The following BRCA2 variants were observed in gnomAD, a reference collection of about 807,000 sequenced individuals.
The protein encoded by BRCA2 is breast cancer type 2 susceptibility protein.
Under a neutral mutation model 276.7 loss-of-function variants are expected in BRCA2, and 203 were observed. That is an observed-to-expected ratio of 0.73 (90% CI 0.65 to 0.82). BRCA2 has a LOEUF of 0.82. Among genes scored for constraint, BRCA2 ranks in the 40% least tolerant of loss-of-function variants. The pLI, the probability that BRCA2 is intolerant of heterozygous loss-of-function variation, is 0.00. For missense variants in BRCA2, 3,920 were observed against 3,915.0 expected (o/e 1.00, Z -0.03); for synonymous variants, 1,289 against 1,338.4 (o/e 0.96, Z 0.81).
chr13:32,336,350 A>G lies in BRCA2; in HGVS notation c.1995A>G (p.Thr665=), dbSNP rs750349385. Residue 665 remains threonine (T), a synonymous_variant, in exon 11 of 27, where the codon ACA becomes ACG. Transcript: ENST00000380152. Reference sequence around the variant, plus strand: ...TGTCCTTAACTAGCTCTTTTGGGACAATTCTGAGGAAATGTTCTAGAAATG... The same window carrying G: ...TGTCCTTAACTAGCTCTTTTGGGACGATTCTGAGGAAATGTTCTAGAAATG... ...PTLSLTSSFG[T]ILRKCSRNET... 1.9e-6 allele frequency: 3 copies of G among 1,607,888 alleles called. No individual in the cohort carries two copies. The highest frequency in any genetic ancestry group is 2.5e-6 in the Non-Finnish European group (3 of 1,177,276).
At chr13:32,379,154 T>G (rs912847982) in intron 21 of BRCA2, among the ~76,000 whole-genome samples, 163 bp from the exon 22 acceptor site, 4 of 152,224 alleles carry the variant, frequency 2.6e-5, no homozygotes, top group African/African-American at 7.2e-5. Flanking sequence ...ATTAATAGTT[T>G]GAGGCACCTG....
chr13:32,326,099 A>G lies in BRCA2; in HGVS notation c.426-2A>G, dbSNP rs398122779. ...TAAGGGATTTGCTTTGTTTTATTTT[A>G]GTCCTGTTGTTCTACAATGTACACA... On this transcript the variant is annotated splice_acceptor_variant, in intron 4 of 26. Transcript: ENST00000380152. LOFTEE classifies it high-confidence loss of function. 3 of 1,607,684 alleles carry G rather than the reference A, an allele frequency of 1.9e-6. No homozygotes were observed. The South Asian group carries it at 3.3e-5, about 18-fold the overall frequency.
At chr13:32,356,330 A>G in intron 14 of BRCA2, 98 bp from the exon 15 acceptor site, 2 of 1,268,016 alleles carry the variant, frequency 1.6e-6, no homozygotes, top group Non-Finnish European at 2.3e-6. Flanking sequence ...TCAGCCTCCC[A>G]AAGTGCTGGG....
chr13:32,348,060 G>A (rs927782719), intron 13 of BRCA2, among the ~76,000 whole-genome samples: 18 of 151,696 alleles, frequency 1.2e-4, no homozygotes, highest in African/African-American at 4.1e-4. Context: ...AAAAATGGCC[G>A]TAAAATAAGA....
At chr13:32,353,059 A>G (rs1593916691) in intron 13 of BRCA2, among the ~76,000 whole-genome samples, 2 of 152,318 alleles carry the variant, frequency 1.3e-5, no homozygotes, top group East Asian at 1.9e-4. Context: ...TGTGCATTAG[A>G]TCTCATCTAG....
intron 24 of BRCA2, among the ~76,000 whole-genome samples, chr13:32,393,163 A>G (rs925323843): frequency 1.3e-5 from 2 of 152,194 alleles, no homozygotes; most frequent in Admixed American, 1.3e-4. Flanking sequence ...TCTCCTCTGT[A>G]CAATAACTTC....
At position 32,362,629 on chromosome 13, in the gene BRCA2, T is replaced by C. The variant is rs876658206; in HGVS notation, c.7912T>C (p.Phe2638Leu). 6.2e-7 allele frequency: 1 copy of C among 1,614,240 alleles called. No homozygotes were observed. Among genetic ancestry groups the C allele is most frequent in the Non-Finnish European group, 8.5e-7 (1 of 1,180,034 alleles). Residue 2638 changes from phenylalanine (F) to leucine (L), a missense_variant, in exon 17 of 27, where the codon TTT (phenylalanine) becomes CTT (leucine). By Grantham distance (22) the Phe-to-Leu change is conservative. Around this residue, in one of 2 missense-constraint regions of BRCA2, gnomAD observed 3,263 missense variants for 3,156.9 expected, o/e 1.03. Coordinates refer to ENST00000380152, the MANE Select transcript of BRCA2 (RefSeq NM_000059.4). ...GAAACTGGCAGCTATGGAATGTGCC[T>C]TTCCTAAGGAATTTGCTAATAGATG... is the stretch of plus-strand genomic sequence containing the variant. ...IWKLAAMECA[F>L]PKEFANRCLS...
Position 32,344,624 on chromosome 13 carries a change from C to T in BRCA2, c.6908C>T (p.Ser2303Phe), listed in dbSNP as rs1239798218. ...FDRIIENQEK[S>F]LKASKSTPDG... ...AGGATAATAGAAAATCAAGAAAAATCCTTAAAGGCTTCAAAAAGCACTCCA... is the reference window on the plus strand; with the variant it reads ...AGGATAATAGAAAATCAAGAAAAATTCTTAAAGGCTTCAAAAAGCACTCCA... The change falls in exon 12 of 27, where the codon TCC becomes TTC. Residue 2303 changes from serine (S) to phenylalanine (F), a missense_variant. Ser to Phe is a radical substitution (Grantham distance 155). Around this residue, in one of 2 missense-constraint regions of BRCA2, gnomAD observed 3,263 missense variants for 3,156.9 expected, o/e 1.03. Coordinates refer to ENST00000380152, the MANE Select transcript of BRCA2 (RefSeq NM_000059.4). 2 of 1,581,796 alleles carry T rather than the reference C, an allele frequency of 1.3e-6. No individual in the cohort carries two copies. The highest frequency in any genetic ancestry group is 1.7e-6 in the Non-Finnish European group (2 of 1,151,268).
chr13:32,384,487 G>A (rs905434092), intron 24 of BRCA2, among the ~76,000 whole-genome samples: 6 of 152,172 alleles, frequency 3.9e-5, no homozygotes, highest in Non-Finnish European at 7.3e-5. Flanking sequence ...ATTTTTGTGT[G>A]TTTATAGCAG....
intron 16 of BRCA2, among the ~76,000 whole-genome samples, chr13:32,360,973 T>C (rs1414672773): frequency 6.6e-6 from 1 of 152,100 alleles, no homozygotes; most frequent in Non-Finnish European, 1.5e-5. Flanking sequence ...AGACCAAAGA[T>C]GGAGGGAAAT....
intron 24 of BRCA2, chr13:32,385,034 G>C (rs1441305954): frequency 9.0e-6 from 3 of 332,458 alleles, no homozygotes; most frequent in Non-Finnish European, 1.8e-5. Flanking sequence ...GAGAACATTT[G>C]CAAGAAGTTT....
chr13:32,355,027 A>G lies in BRCA2; in HGVS notation c.7174A>G (p.Lys2392Glu), dbSNP rs745768526. The change falls in exon 14 of 27, where the codon AAA becomes GAA. Residue 2392 changes from lysine (K) to glutamate (E), a missense_variant. By Grantham distance (56) the Lys-to-Glu change is moderately conservative. This residue lies in a region of BRCA2 where 3,263 missense variants were observed against 3,156.9 expected (regional missense o/e 1.03). Coordinates refer to ENST00000380152, the MANE Select transcript of BRCA2 (RefSeq NM_000059.4). The stretch of plus-strand genomic sequence containing the variant: ...TCAAGTTTCTGCTACAAGAAATGAA[A>G]AAATGAGACACTTGATTACTACAGG... ...FYQVSATRNE[K>E]MRHLITTGRP... 1.2e-6 allele frequency: 2 copies of G among 1,613,942 alleles called. No homozygotes were observed. The highest frequency in any genetic ancestry group is 2.7e-5 in the African/African-American group (2 of 74,940).
chr13:32,371,115 A>G lies in BRCA2; in HGVS notation c.8632+15A>G, dbSNP rs1566249455. 6 of 1,611,174 alleles carry G rather than the reference A, an allele frequency of 3.7e-6. No homozygotes were observed. Among genetic ancestry groups the G allele is most frequent in the South Asian group, 2.2e-5 (2 of 90,986 alleles). ...AGAACATGAAGGTAAAATTAGTTAT[A>G]TGGTACACATTGTTATTTCTAATAT... On this transcript the variant is annotated intron_variant, in intron 20 of 26. Coordinates refer to ENST00000380152, the MANE Select transcript of BRCA2 (RefSeq NM_000059.4).
chr13:32,377,632 G>A (rs542435388), intron 21 of BRCA2, among the ~76,000 whole-genome samples: 2 of 149,252 alleles, frequency 1.3e-5, no homozygotes, highest in Admixed American at 1.3e-4. Context: ...GTAAAATGTT[G>A]TTTTAGGATC....
chr13:32,345,295 G>A (rs563759448), intron 12 of BRCA2, among the ~76,000 whole-genome samples: 1 of 152,178 alleles, frequency 6.6e-6, no homozygotes, highest in Admixed American at 6.5e-5. Context: ...ATTTAAGTGT[G>A]TTTTCTTGAG....
At chr13:32,346,230 A>G (rs2072609864) in intron 12 of BRCA2, among the ~76,000 whole-genome samples, 1 of 151,888 alleles carries the variant, frequency 6.6e-6, no homozygotes, top group Non-Finnish European at 1.5e-5. Context: ...AAATACATGT[A>G]TATACTCATT....
Position 32,398,802 on chromosome 13 carries a change from G to T in BRCA2, c.*32G>T, listed in dbSNP as rs190726611. On this transcript the variant is annotated 3_prime_UTR_variant, in exon 27 of 27. Coordinates refer to ENST00000380152, the MANE Select transcript of BRCA2 (RefSeq NM_000059.4). ...GCAAAGGCGACAATAAATTATTGACGCTTAACCTTTCCAGTTTATAAGACT... is the reference window on the plus strand; with the variant it reads ...GCAAAGGCGACAATAAATTATTGACTCTTAACCTTTCCAGTTTATAAGACT... 6.2e-7 allele frequency: 1 copy of T among 1,608,860 alleles called. No individual in the cohort carries two copies. The highest frequency in any genetic ancestry group is 1.7e-5 in the Admixed American group (1 of 59,674).
chr13:32,342,153 A>G (rs1391907869), intron 11 of BRCA2, among the ~76,000 whole-genome samples: 1 of 150,760 alleles, frequency 6.6e-6, no homozygotes, highest in Non-Finnish European at 1.5e-5. Flanking sequence ...CGCACCTATA[A>G]TCCCAACTAC....
Position 32,337,481 on chromosome 13 carries a change from A to C in BRCA2, c.3126A>C (p.Leu1042Phe), listed in dbSNP as rs1408500302. 6.2e-7 allele frequency: 1 copy of C among 1,610,418 alleles called. No individual in the cohort carries two copies. Among genetic ancestry groups the C allele is most frequent in the Admixed American group, 1.7e-5 (1 of 59,508 alleles). Residue 1042 changes from leucine to phenylalanine, a missense_variant, in exon 11 of 27, where the codon TTA becomes TTC. Leu to Phe is a conservative substitution (Grantham distance 22). Around this residue, in one of 2 missense-constraint regions of BRCA2, gnomAD observed 3,263 missense variants for 3,156.9 expected, o/e 1.03. Coordinates refer to ENST00000380152, the MANE Select transcript of BRCA2 (RefSeq NM_000059.4). Reference protein sequence around the residue: ...KDIEEQYPTSLACVEIVNTLA... With the variant: ...KDIEEQYPTSFACVEIVNTLA... ...TTGAAGAACAATATCCTACTAGTTT[A>C]GCTTGTGTTGAAATTGTAAATACCT...
Sources: gnomAD v4.1 joint callset for allele counts (sites outside exome capture counted in the v4.1 genomes callset) on GRCh38, gnomAD v4.1.1 for gene constraint, gnomAD v4.1.1 regional missense constraint, MANE v1.5 for transcripts, NCBI Gene and HGNC (gene_info 2026-07-23, HGNC 2026-07-21) for gene names.